The following RAB7A variants were observed in gnomAD, a reference collection of about 807,000 sequenced individuals.
RAB7A encodes the protein ras-related protein Rab-7a.
In RAB7A, 2 loss-of-function variants were observed where a neutral mutation model predicts 24.5. The observed-to-expected ratio is 0.08, with a 90% CI of 0.03 to 0.26. The LOEUF is 0.26. Ranked by LOEUF, RAB7A falls within the 10% of genes least tolerant of loss-of-function variation. The probability of loss-of-function intolerance (pLI) is 1.00; values close to 1 mark genes in which losing one functional copy is unlikely to be tolerated. For synonymous variants in RAB7A, 100 were observed against 95.9 expected (o/e 1.04, Z -0.25); for missense variants, 118 against 255.7 (o/e 0.46, Z 3.67).
chr3:128,736,491 C>G (rs138115664), intron 1 of RAB7A, among the ~76,000 whole-genome samples: 1,802 of 152,144 alleles, frequency 0.012, 32 homozygotes, highest in African/African-American at 0.039. Context: ...TCAAAAAGAG[C>G]ATGGGTTTTC....
At chr3:128,774,060 C>T in intron 1 of RAB7A, among the ~76,000 whole-genome samples, 1 of 132,524 alleles carries the variant, frequency 7.5e-6, no homozygotes. Context: ...CTGCGAGAAA[C>T]ACCCAAGAAT....
intron 1 of RAB7A, among the ~76,000 whole-genome samples, chr3:128,754,632 A>G (rs2070714152): frequency 2.6e-5 from 4 of 152,188 alleles, no homozygotes; most frequent in Admixed American, 2.6e-4. Flanking sequence ...GAATGGATAG[A>G]AAAACATCCA....
chr3:128,813,504 C>T lies in RAB7A; in HGVS notation c.*82C>T. 1 of 1,307,688 alleles carries T rather than the reference C, an allele frequency of 7.6e-7. No individual in the cohort carries two copies. The highest frequency in any genetic ancestry group is 1.1e-6 in the Non-Finnish European group (1 of 906,340). The allele number at this position is 1,307,688 out of a possible 1,614,324, so 81.0% of individuals were successfully genotyped here. On this transcript the variant is annotated 3_prime_UTR_variant, in exon 6 of 6. Transcript: ENST00000265062. Reference sequence around the variant, plus strand: ...TTCAACACAATTCCCCTCTCCTCTTCCAAACAAAACATACATTGATCTCTC... The same window carrying T: ...TTCAACACAATTCCCCTCTCCTCTTTCAAACAAAACATACATTGATCTCTC...
intron 2 of RAB7A, 97 bp downstream of exon 2, chr3:128,795,517 T>C (rs1933547015): frequency 8.9e-7 from 1 of 1,118,268 alleles, no homozygotes; most frequent in Non-Finnish European, 1.4e-6. Context: ...CTTGCTTTCA[T>C]AGTGAGGCTT....
At chr3:128,737,519 T>A (rs2070502004) in intron 1 of RAB7A, among the ~76,000 whole-genome samples, 2 of 151,744 alleles carry the variant, frequency 1.3e-5, no homozygotes, top group Non-Finnish European at 1.5e-5. Flanking sequence ...TAATTTTTTA[T>A]ATTTTTGATA....
At chr3:128,802,999 G>A (rs1379582384) in intron 3 of RAB7A, among the ~76,000 whole-genome samples, 6 of 152,024 alleles carry the variant, frequency 3.9e-5, no homozygotes, top group African/African-American at 7.3e-5. Flanking sequence ...TAGTAGAAAC[G>A]GGGTTTCACC....
At chr3:128,813,187 G>A (rs1933963166) in intron 5 of RAB7A, 140 bp from the exon 6 acceptor site, 6 of 821,474 alleles carry the variant, frequency 7.3e-6, no homozygotes, top group Non-Finnish European at 1.3e-5. Context: ...CCTTAACTGT[G>A]TGGGCAGGCT....
intron 1 of RAB7A, among the ~76,000 whole-genome samples, chr3:128,734,818 A>G (rs910342688): frequency 1.3e-5 from 2 of 152,204 alleles, no homozygotes; most frequent in African/African-American, 4.8e-5. Flanking sequence ...TTGTGTATCC[A>G]TTATAGACCT....
intron 1 of RAB7A, among the ~76,000 whole-genome samples, chr3:128,736,080 A>C (rs1424686718): frequency 6.6e-6 from 1 of 152,170 alleles, no homozygotes; most frequent in Admixed American, 6.5e-5. Context: ...AGCAAAGTAC[A>C]TAAACAATGT....
At chr3:128,795,720 A>G (rs1360116036) in intron 2 of RAB7A, among the ~76,000 whole-genome samples, 1 of 119,268 alleles carries the variant, frequency 8.4e-6, no homozygotes, top group Admixed American at 9.5e-5. Flanking sequence ...ACGTAGATGT[A>G]TTGCCATTGG....
chr3:128,811,173 C>G lies in RAB7A; in HGVS notation c.529-2154C>G, dbSNP rs537244100. 7.2e-4 allele frequency among the ~76,000 whole-genome samples: 109 copies of G among 151,884 alleles called. 1 individual carries two copies. Among genetic ancestry groups the G allele is most frequent in the Non-Finnish European group, 1.3e-3 (87 of 67,960 alleles). Reference sequence around the variant, plus strand: ...ACAGGGTCTTGCTCTGTCAGTCAGGCTGATACGCAGTGGTGCAATCATCAC... The same window carrying G: ...ACAGGGTCTTGCTCTGTCAGTCAGGGTGATACGCAGTGGTGCAATCATCAC... On this transcript the variant is annotated intron_variant, in intron 5 of 5. Transcript: ENST00000265062.
rs749227632 is a variant in RAB7A, at chr3:128,806,512, C to T, written c.321C>T (p.Leu107=). ...KTLDSWRDEF[L]IQASPRDPEN... is the part of the protein sequence containing the mutation. ...TAGATAGCTGGAGAGATGAGTTTCT[C>T]ATCCAGGCCAGTCCCCGAGATCCTG... Residue 107 remains leucine, a synonymous_variant, in exon 4 of 6, where the codon CTC becomes CTT. Coordinates refer to ENST00000265062, the MANE Select transcript of RAB7A (RefSeq NM_004637.6). 2.9e-5 allele frequency: 47 copies of T among 1,614,008 alleles called. 1 individual carries two copies. Among genetic ancestry groups the T allele is most frequent in the Middle Eastern group, 3.3e-4 (2 of 6,082 alleles).
intron 4 of RAB7A, 118 bp from the exon 5 acceptor site, chr3:128,807,424 TG>T: frequency 6.8e-7 from 1 of 1,463,430 alleles, no homozygotes; most frequent in African/African-American, 1.4e-5. Context: ...TCTTTCCCCA[TG>T]TCTGTGTCCT....
intron 1 of RAB7A, among the ~76,000 whole-genome samples, chr3:128,756,108 C>T (rs1306090118): frequency 2.6e-5 from 4 of 152,104 alleles, no homozygotes; most frequent in East Asian, 1.9e-4. Context: ...GAGGCTGAGG[C>T]GGGTGGATCA....
intron 1 of RAB7A, among the ~76,000 whole-genome samples, chr3:128,764,106 G>A (rs1407001049): frequency 2.6e-5 from 4 of 152,094 alleles, no homozygotes; most frequent in African/African-American, 9.7e-5. Flanking sequence ...GCCACAAGCT[G>A]TCCCACAGAG....
At chr3:128,804,676 T>C (rs1230249581) in intron 3 of RAB7A, among the ~76,000 whole-genome samples, 2 of 152,236 alleles carry the variant, frequency 1.3e-5, no homozygotes, top group Admixed American at 1.3e-4. Context: ...CTTTGCCTTC[T>C]CTGTGTATCT....
chr3:128,748,541 A>G (rs1044820562), intron 1 of RAB7A: 1 of 152,234 alleles, frequency 6.6e-6, no homozygotes, highest in Non-Finnish European at 1.5e-5. Context: ...AGTTTCCTAT[A>G]CACCAGGACT....
intron 1 of RAB7A, among the ~76,000 whole-genome samples, chr3:128,790,585 G>A (rs551229646): frequency 6.6e-6 from 1 of 152,288 alleles, no homozygotes; most frequent in East Asian, 1.9e-4. Flanking sequence ...AGGAGATGTA[G>A]AGATCTTAAT....
intron 1 of RAB7A, among the ~76,000 whole-genome samples, chr3:128,731,258 A>T (rs920138839): frequency 3.3e-5 from 5 of 152,204 alleles, no homozygotes; most frequent in Admixed American, 3.3e-4. Flanking sequence ...GCTGCTATGA[A>T]TTAACCTTAA....
Sources: allele counts gnomAD v4.1 joint callset (sites outside exome capture counted in the v4.1 genomes callset), GRCh38; gene constraint gnomAD v4.1.1; transcripts MANE v1.5; gene names NCBI Gene and HGNC (gene_info 2026-07-23, HGNC 2026-07-21).